Variants in TRRAP observed in about 807,000 individuals in gnomAD.
TRRAP encodes the protein transformation/transcription domain associated protein.
In TRRAP, 41 loss-of-function variants were observed where a neutral mutation model predicts 438.8. The observed-to-expected ratio is 0.09, with a 90% confidence interval of 0.07 to 0.12. TRRAP has a LOEUF of 0.12. Among genes scored for constraint, TRRAP ranks in the 10% least tolerant of loss-of-function variants. The pLI is 1.00. For missense variants in TRRAP, 3,122 were observed against 5,055.1 expected (o/e 0.62, Z 11.60); for synonymous variants, 1,994 against 1,962.9 (o/e 1.02, Z -0.42).
At chr7:98,946,606 G>GCA (rs1177329076) in intron 33 of TRRAP, among the ~76,000 whole-genome samples, 1 of 145,820 alleles carries the variant, frequency 6.9e-6, no homozygotes, top group African/African-American at 2.5e-5. Context: ...CAACACATAT[G>GCA]CACACACACC....
chr7:98,928,633 C>T (rs1205090896), intron 23 of TRRAP, among the ~76,000 whole-genome samples: 2 of 152,138 alleles, frequency 1.3e-5, no homozygotes, highest in African/African-American at 4.8e-5. Context: ...AGCTGGATGC[C>T]GTTGCTTTTT....
Position 99,011,922 on chromosome 7 carries a change from A to G in TRRAP, c.11338-149A>G. ...CCAGCGGCTTCCCCAGCCCGTCCTG[A>G]GGGCACACAGCCTGGCCTGGTGCTG... On this transcript the variant is annotated intron_variant, in intron 72 of 72. Coordinates refer to ENST00000456197, the MANE Select transcript of TRRAP (RefSeq NM_001375524.1). This position sits in a 1 kb window ranked among gnomAD's most constrained non-coding sequence, Gnocchi z 7.1. 1 of 1,051,676 alleles carries G rather than the reference A, an allele frequency of 9.5e-7. No homozygotes were observed. Among genetic ancestry groups the G allele is most frequent in the African/African-American group, 1.6e-5 (1 of 62,638 alleles). 65.1% of individuals were successfully genotyped at this position (1,051,676 alleles called of 1,614,324 possible).
intron 63 of TRRAP, among the ~76,000 whole-genome samples, chr7:98,989,794 A>G (rs1329533118): frequency 2.6e-5 from 4 of 152,208 alleles, no homozygotes; most frequent in Non-Finnish European, 5.9e-5. Flanking sequence ...AGTTTTAGCA[A>G]AAGTTCATTT....
At position 99,012,113 on chromosome 7, in the gene TRRAP, G is replaced by T; in HGVS notation, c.11380G>T (p.Ala3794Ser). Residue 3794 changes from alanine to serine, a missense_variant, in exon 73 of 73, where the codon GCT becomes TCT. Transcript: ENST00000456197. This position sits in a 1 kb window ranked among gnomAD's most constrained non-coding sequence, Gnocchi z 5.9. ...AACGGTTCTCCGGGACGAGATCATT[G>T]CTTGGCACAAAAAAACACAAGAGGA... ...LKTVLRDEIIAWHKKTQEDTS... is the reference protein window; with the variant it reads ...LKTVLRDEIISWHKKTQEDTS... The T allele has an allele frequency of 6.2e-7, 1 of 1,614,184 alleles. No individual in the cohort carries two copies.
chr7:98,959,952 A>G (rs1562960741), intron 45 of TRRAP, among the ~76,000 whole-genome samples: 2 of 149,448 alleles, frequency 1.3e-5, no homozygotes, highest in Non-Finnish European at 3.0e-5. Flanking sequence ...AAAAAAAAAA[A>G]AAGAAAAAGA....
chr7:99,008,921 T>C (rs1026174924), intron 70 of TRRAP, among the ~76,000 whole-genome samples: 12 of 152,212 alleles, frequency 7.9e-5, no homozygotes, highest in African/African-American at 2.7e-4. Context: ...GGAGGCTGTT[T>C]ATAGGCTTCA....
In TRRAP at chr7:99,009,830, G is replaced by A. The variant is rs550714242; in HGVS notation, c.10939-1222G>A. ...CACAGAGGAATCCAGCTTCAGAGCC[G>A]CTTCCTCCTCTTGTTTATTTTGTTA... On this transcript the variant is annotated intron_variant, in intron 70 of 72. Transcript: ENST00000456197. Among the ~76,000 whole-genome samples the A allele has an allele frequency of 1.1e-4, 17 of 151,148 alleles. No individual in the cohort carries two copies. The East Asian group carries it at 2.5e-3, about 22-fold the overall frequency.
intron 11 of TRRAP, among the ~76,000 whole-genome samples, chr7:98,902,762 G>A (rs1307584782): frequency 6.6e-6 from 1 of 151,928 alleles, no homozygotes; most frequent in Non-Finnish European, 1.5e-5. Flanking sequence ...ACATTAATGG[G>A]ATGACTAAGT....
At chr7:98,972,013 T>C in intron 53 of TRRAP, 68 bp downstream of exon 53, 1 of 1,554,508 alleles carries the variant, frequency 6.4e-7, no homozygotes, top group Admixed American at 2.1e-5. Context: ...TAAATCAGGA[T>C]CATTCCACAG....
At chr7:99,004,122 G>GT (rs1794061324) in intron 67 of TRRAP, 68 bp from the exon 68 acceptor site, 3 of 1,426,742 alleles carry the variant, frequency 2.1e-6, no homozygotes, top group African/African-American at 1.4e-5. Flanking sequence ...GGGCTTGAGC[G>GT]TTTTTTGCAG....
chr7:98,901,148 G>A (rs183299044), intron 11 of TRRAP, among the ~76,000 whole-genome samples: 7 of 152,332 alleles, frequency 4.6e-5, no homozygotes, highest in Admixed American at 2.0e-4. Context: ...TTGCTTACAC[G>A]GTAGCAATTG....
Position 98,978,670 on chromosome 7 carries a change from T to C in TRRAP, c.8499-99T>C. 1.2e-5 allele frequency: 18 copies of C among 1,511,548 alleles called. 1 individual carries two copies. In the South Asian group the frequency reaches 2.0e-4, roughly 16 times the overall value. 93.6% of individuals were successfully genotyped at this position (1,511,548 alleles called of 1,614,324 possible). ...CCACTCTTACTGTGTTGTTCTTCTG[T>C]AGAATGGAAATTTGCTCCTTAAAAC... On this transcript the variant is annotated intron_variant, in intron 57 of 72. Coordinates refer to ENST00000456197, the MANE Select transcript of TRRAP (RefSeq NM_001375524.1).
At chr7:98,993,186 C>T (rs1026213835) in intron 65 of TRRAP, among the ~76,000 whole-genome samples, 5 of 152,206 alleles carry the variant, frequency 3.3e-5, no homozygotes, top group Non-Finnish European at 5.9e-5. Flanking sequence ...GATGATCAGA[C>T]GTAACAGAAA....
intron 58 of TRRAP, among the ~76,000 whole-genome samples, chr7:98,979,623 T>C (rs575609999): frequency 2.6e-5 from 4 of 152,350 alleles, no homozygotes; most frequent in Middle Eastern, 3.4e-3. Context: ...AAACATAAAA[T>C]TGAATAAGTA....
Position 98,962,285 on chromosome 7 carries a change from T to C in TRRAP, c.6704-17T>C. The C allele has an allele frequency of 6.2e-7, 1 of 1,614,000 alleles. No homozygotes were observed. Among genetic ancestry groups the C allele is most frequent in the South Asian group, 1.1e-5 (1 of 91,080 alleles). On this transcript the variant is annotated splice_polypyrimidine_tract_variant and intron_variant, in intron 46 of 72. Coordinates refer to ENST00000456197, the MANE Select transcript of TRRAP (RefSeq NM_001375524.1). Reference sequence around the variant, plus strand: ...AAGAGCCATAACCACAGTGCCTGGGTCCCTGCCCTGTTGTAGGTACTTCCA... The same window carrying C: ...AAGAGCCATAACCACAGTGCCTGGGCCCCTGCCCTGTTGTAGGTACTTCCA...
chr7:98,912,220 T>G lies in TRRAP; in HGVS notation c.2199+7T>G. On this transcript the variant is annotated splice_region_variant and intron_variant, in intron 18 of 72. Transcript: ENST00000456197. ...AAATGAACAAATGCTGAAGGTAAAG[T>G]CCATTTAATCTAAGTAGTGCTTCTG... The G allele has an allele frequency of 1.2e-6, 2 of 1,612,702 alleles. No homozygotes were observed. The highest frequency in any genetic ancestry group is 1.7e-6 in the Non-Finnish European group (2 of 1,179,272).
At position 98,994,371 on chromosome 7, in the gene TRRAP, C is replaced by G. The variant is rs979376496; in HGVS notation, c.10048-216C>G. Among the ~76,000 whole-genome samples, 31 of 152,180 alleles carry G rather than the reference C, an allele frequency of 2.0e-4. No homozygotes were observed. Among genetic ancestry groups the G allele is most frequent in the Non-Finnish European group, 3.8e-4 (26 of 68,034 alleles). On this transcript the variant is annotated intron_variant, in intron 66 of 72. Coordinates refer to ENST00000456197, the MANE Select transcript of TRRAP (RefSeq NM_001375524.1). The surrounding 1 kb of genome is among the most constrained non-coding windows in gnomAD (Gnocchi z 4.8). ...TTTCGCTTTTTGAATGTTCAGGTCC[C>G]TTACTCCCCAAGGTCAAAAGCGCCT...
In TRRAP at chr7:98,890,384, C is replaced by G; in HGVS notation, c.200C>G (p.Pro67Arg). 6.2e-7 allele frequency: 1 copy of G among 1,606,952 alleles called. No individual in the cohort carries two copies. ...QYSTFLEHIIPRFLTFLQDGE... is the reference protein window; with the variant it reads ...QYSTFLEHIIRRFLTFLQDGE... ...TCTACATTCCTAGAACATATCATCC[C>G]TCGATTCCTTACATTTCTCCAAGAT... The change falls in exon 4 of 73, where the codon CCT becomes CGT. Residue 67 changes from proline to arginine, a missense_variant. Transcript: ENST00000456197.
At chr7:98,923,916 C>T (rs1275075767) in intron 21 of TRRAP, among the ~76,000 whole-genome samples, 6 of 152,324 alleles carry the variant, frequency 3.9e-5, no homozygotes, top group African/African-American at 1.4e-4. Context: ...GTCTTCGCCA[C>T]TATCTCAGTC....
Sources: gnomAD v4.1 joint callset for allele counts (sites outside exome capture counted in the v4.1 genomes callset) on GRCh38, gnomAD v4.1.1 for gene constraint, Gnocchi (gnomAD v3.1) non-coding constraint, MANE v1.5 for transcripts, NCBI Gene and HGNC (gene_info 2026-07-23, HGNC 2026-07-21) for gene names.